SP140: variants seen among roughly 807,000 people sequenced by gnomAD.
SP140 encodes the protein SP140 nuclear body protein.
In SP140, 81 loss-of-function variants were observed where a neutral mutation model predicts 125.0. That is an observed-to-expected ratio of 0.65 (90% confidence interval 0.54 to 0.78). The LOEUF is 0.78. Among genes scored for constraint, SP140 ranks in the 30% least tolerant of loss-of-function variants. SP140 has a pLI of 0.00. For synonymous variants in SP140, 312 were observed against 354.0 expected, an observed-to-expected ratio of 0.88 and a Z score of 1.33; for missense variants, 858 against 1,037.0, an observed-to-expected ratio of 0.83 and a Z score of 2.37.
At chr2:230,234,203 C>T (rs370237107) in intron 1 of SP140, among the ~76,000 whole-genome samples, 56 of 152,322 alleles carry the variant, frequency 3.7e-4, no homozygotes, top group Admixed American at 2.5e-3. Context: ...CAACGGGTCA[C>T]CAGCCCTCTG....
At chr2:230,246,684 GA>G (rs890697109) in intron 7 of SP140, among the ~76,000 whole-genome samples, 3 of 152,120 alleles carry the variant, frequency 2.0e-5, no homozygotes, top group African/African-American at 7.2e-5. Flanking sequence ...ATTTTGGATT[GA>G]AAAATTAGGA....
At chr2:230,314,885 C>T (rs1427898890), downstream of SP140, among the ~76,000 whole-genome samples, 1 of 152,166 alleles carries the variant, frequency 6.6e-6, no homozygotes, top group Non-Finnish European at 1.5e-5. Context: ...GAACTGGATC[C>T]CCCAGTAGTG....
chr2:230,307,793 G>C (rs968637879), intron 22 of SP140, among the ~76,000 whole-genome samples: 3 of 152,048 alleles, frequency 2.0e-5, no homozygotes, highest in Non-Finnish European at 4.4e-5. Context: ...CAGGCCAAGT[G>C]GGTGGAAGGA....
chr2:230,245,854 A>AGTGTT lies in SP140; in HGVS notation c.665-9_665-8insGTGTT. 1.3e-6 allele frequency: 2 copies of AGTGTT among 1,583,790 alleles called. No individual in the cohort carries two copies. On this transcript the variant is annotated splice_polypyrimidine_tract_variant and intron_variant, in intron 6 of 26. Transcript: ENST00000392045. ...CAATTGTCTGTCATGTTCCTCTTTC[A>AGTGTT]CTCTGCAGTGTCCTGTAAACTTGCT...
At chr2:230,199,073 G>A (rs945351692), upstream of SP140, among the ~76,000 whole-genome samples, 1 of 151,578 alleles carries the variant, frequency 6.6e-6, no homozygotes, top group Non-Finnish European at 1.5e-5. Flanking sequence ...ATAAGCCCAG[G>A]ACCCTACAGT....
intron 22 of SP140, among the ~76,000 whole-genome samples, chr2:230,306,589 A>G (rs565651359): frequency 1.4e-4 from 21 of 152,230 alleles, no homozygotes; most frequent in Admixed American, 6.5e-4. Context: ...CTGCCTGGCC[A>G]TTCCCTGCTC....
At chr2:230,244,856 G>A (rs1038823598) in intron 5 of SP140, 132 bp from the exon 6 acceptor site, 14 of 591,104 alleles carry the variant, frequency 2.4e-5, no homozygotes, top group African/African-American at 1.1e-4. Flanking sequence ...AGGCTGTGGC[G>A]GGGCTCAGGC....
Position 230,248,033 on chromosome 2 carries a change from A to C in SP140, c.860A>C (p.Lys287Thr). 3.1e-6 allele frequency: 5 copies of C among 1,613,812 alleles called. No individual in the cohort carries two copies. The highest frequency in any genetic ancestry group is 3.4e-6 in the Non-Finnish European group (4 of 1,179,846). ...SPRKRNQDKE[K>T]YQESPEGRDK... ...AGAAAAAGAAACCAAGACAAGGAGAAGTACCAAGAGAGTCCAGAGGGAAGA... is the reference window on the plus strand; with the variant it reads ...AGAAAAAGAAACCAAGACAAGGAGACGTACCAAGAGAGTCCAGAGGGAAGA... Residue 287 changes from lysine (K) to threonine (T), a missense_variant, in exon 8 of 27, where the codon AAG becomes ACG. Coordinates refer to ENST00000392045, the MANE Select transcript of SP140 (RefSeq NM_007237.5).
chr2:230,258,227 T>G (rs572144388), intron 12 of SP140, among the ~76,000 whole-genome samples: 22 of 152,248 alleles, frequency 1.4e-4, no homozygotes, highest in African/African-American at 5.1e-4. Flanking sequence ...ATCCAAGATG[T>G]CTTTTCTGGA....
chr2:230,285,252 C>G (rs78168912), intron 16 of SP140, among the ~76,000 whole-genome samples: 3,015 of 152,226 alleles, frequency 0.02, 106 homozygotes, highest in African/African-American at 0.069. Flanking sequence ...TTCCATTCTT[C>G]TAGACGATGA....
upstream of SP140, among the ~76,000 whole-genome samples, chr2:230,223,034 TCTGA>T (rs1284956867): frequency 2.0e-5 from 3 of 148,150 alleles, no homozygotes; most frequent in African/African-American, 7.4e-5. Context: ...CATCAATCAG[TCTGA>T]CTTTTTTTTT....
At chr2:230,285,678 C>A in intron 16 of SP140, 74 bp from the exon 17 acceptor site, 1 of 1,261,104 alleles carries the variant, frequency 7.9e-7, no homozygotes, top group Non-Finnish European at 1.2e-6. Context: ...GACTCCCTCA[C>A]TTGCGTTTGT....
intron 22 of SP140, among the ~76,000 whole-genome samples, chr2:230,301,486 C>T (rs1471723112): frequency 2.0e-5 from 3 of 152,186 alleles, no homozygotes. Flanking sequence ...TATCTTTAGC[C>T]TCCTTAAACA....
chr2:230,251,575 T>G (rs2050373244), intron 10 of SP140, among the ~76,000 whole-genome samples: 2 of 152,194 alleles, frequency 1.3e-5, no homozygotes, highest in South Asian at 4.1e-4. Flanking sequence ...TCTCACTCAC[T>G]TTTTCTATGG....
At chr2:230,313,467 C>G (rs1049031276), downstream of SP140, among the ~76,000 whole-genome samples, 1 of 152,230 alleles carries the variant, frequency 6.6e-6, no homozygotes, top group African/African-American at 2.4e-5. Context: ...GGCCAGCCCC[C>G]TTGCCTGAAA....
chr2:230,255,633 C>A, intron 12 of SP140, 101 bp downstream of exon 12: 1 of 1,007,654 alleles, frequency 9.9e-7, no homozygotes, highest in East Asian at 2.4e-5. Flanking sequence ...GCATATACCT[C>A]ACAGTGAAAG....
At chr2:230,277,725 A>C (rs1048889170) in intron 15 of SP140, among the ~76,000 whole-genome samples, 1 of 152,192 alleles carries the variant, frequency 6.6e-6, no homozygotes, top group Non-Finnish European at 1.5e-5. Flanking sequence ...TAAATCTATA[A>C]CACACATGGA....
chr2:230,303,724 C>G (rs926787077), intron 22 of SP140, among the ~76,000 whole-genome samples: 5 of 152,048 alleles, frequency 3.3e-5, no homozygotes, highest in Admixed American at 3.3e-4. Flanking sequence ...TAATTAAAAC[C>G]CTCCACAAAA....
chr2:230,303,429 A>G (rs1323665750), intron 22 of SP140, among the ~76,000 whole-genome samples: 1 of 152,232 alleles, frequency 6.6e-6, no homozygotes, highest in Non-Finnish European at 1.5e-5. Context: ...AATTGCCAAT[A>G]CTAGAAAGGC....
Sources: allele counts gnomAD v4.1 joint callset (sites outside exome capture counted in the v4.1 genomes callset), GRCh38; gene constraint gnomAD v4.1.1; transcripts MANE v1.5; gene names NCBI Gene and HGNC (gene_info 2026-07-23, HGNC 2026-07-21).